Variants in ZBED4 observed in about 807,000 individuals in gnomAD.
ZBED4 encodes the protein zinc finger BED-type containing 4, also known as zinc finger BED domain-containing protein 4.
A neutral mutation model predicts 15.5 loss-of-function variants in ZBED4; 4 were observed. That is an observed-to-expected ratio of 0.26 (90% CI 0.13 to 0.59). The LOEUF (loss-of-function observed/expected upper bound fraction) is 0.59, where lower values mean the gene tolerates loss of function less well. Ranked by LOEUF, ZBED4 falls within the 20% of genes least tolerant of loss-of-function variation. The pLI is 0.90. For missense variants in ZBED4, 1,323 were observed against 1,461.8 expected, an observed-to-expected ratio of 0.91 and a Z score of 1.55; for synonymous variants, 692 against 608.5, an observed-to-expected ratio of 1.14 and a Z score of -2.02.
chr22:49,863,551 G>A lies in ZBED4; in HGVS notation c.-330+9562G>A, dbSNP rs185246029. 6.6e-5 allele frequency among the ~76,000 whole-genome samples: 10 copies of A among 152,040 alleles called. No individual in the cohort carries two copies. The East Asian group carries it at 1.7e-3, about 27-fold the overall frequency. ...CTGAGGCAGGAGAATTGCTTGAACCGGGGAGGCGGAGGTTGCGGTGAGCTG... is the reference window on the plus strand; with the variant it reads ...CTGAGGCAGGAGAATTGCTTGAACCAGGGAGGCGGAGGTTGCGGTGAGCTG... On this transcript the variant is annotated intron_variant, in intron 1 of 1. Transcript: ENST00000216268.
Position 49,884,818 on chromosome 22 carries a change from G to T in ZBED4, c.1156G>T (p.Ala386Ser), listed in dbSNP as rs755197118. 1 of 1,610,478 alleles carries T rather than the reference G, an allele frequency of 6.2e-7. No homozygotes were observed. Among genetic ancestry groups the T allele is most frequent in the Admixed American group, 1.7e-5 (1 of 59,886 alleles). Residue 386 changes from alanine to serine, a missense_variant, in exon 2 of 2, where the codon GCC (alanine) becomes TCC (serine). Around this residue, in one of 6 missense-constraint regions of ZBED4, gnomAD observed 429 missense variants for 397.9 expected, o/e 1.08. Coordinates refer to ENST00000216268, the MANE Select transcript of ZBED4 (RefSeq NM_014838.3). ...AAAGCCGGTCAGAGAGTCCCCTTCG[G>T]CCTCCTCCTCCCCTGACAGGCTGAC... Reference protein sequence around the residue: ...PVKPVRESPSASSSPDRLTED... With the variant: ...PVKPVRESPSSSSSPDRLTED...
intron 1 of ZBED4, among the ~76,000 whole-genome samples, chr22:49,866,837 G>A (rs1017052539): frequency 6.6e-6 from 1 of 152,210 alleles, no homozygotes; most frequent in Non-Finnish European, 1.5e-5. Context: ...TGAAATCTGA[G>A]ATGGGTCTCA....
At chr22:49,861,787 A>G (rs181814167) in intron 1 of ZBED4, among the ~76,000 whole-genome samples, 1 of 152,254 alleles carries the variant, frequency 6.6e-6, no homozygotes, top group Non-Finnish European at 1.5e-5. Flanking sequence ...TGTGGGTCCT[A>G]TTGACGGGCT....
intron 1 of ZBED4, among the ~76,000 whole-genome samples, chr22:49,880,534 C>T (rs140773072): frequency 1.3e-5 from 2 of 152,230 alleles, no homozygotes; most frequent in Admixed American, 1.3e-4. Flanking sequence ...CTTCTGTGAT[C>T]ACTGTCCTGT....
chr22:49,884,114 A>T lies in ZBED4; in HGVS notation c.452A>T (p.Asp151Val). ...KEFSRGKNEK[D>V]LSTSCLMRHV... The stretch of plus-strand genomic sequence containing the variant: ...TTCAGCAGAGGCAAAAACGAGAAAG[A>T]CTTGAGTACCAGTTGTCTCATGAGG... The change falls in exon 2 of 2, where the codon GAC (aspartate) becomes GTC (valine). Residue 151 changes from aspartate (D) to valine (V), a missense_variant. Transcript: ENST00000216268. 1.2e-6 allele frequency: 2 copies of T among 1,613,618 alleles called. No individual in the cohort carries two copies. The highest frequency in any genetic ancestry group is 1.1e-5 in the South Asian group (1 of 90,994).
At chr22:49,877,676 CCATATA>C (rs2060384726) in intron 1 of ZBED4, among the ~76,000 whole-genome samples, 1 of 152,068 alleles carries the variant, frequency 6.6e-6, no homozygotes, top group Non-Finnish European at 1.5e-5. Flanking sequence ...ATATCCATAT[CCATATA>C]GTATGCCTAA....
At chr22:49,877,983 T>A (rs4824110) in intron 1 of ZBED4, among the ~76,000 whole-genome samples, 97,856 of 152,118 alleles carry the variant, frequency 0.64, 35,668 homozygotes, top group East Asian at 0.85. Context: ...ATACTACATA[T>A]AAAGCTGCTG....
intron 1 of ZBED4, among the ~76,000 whole-genome samples, chr22:49,867,506 A>T (rs1475932449): frequency 6.6e-6 from 1 of 152,130 alleles, no homozygotes; most frequent in East Asian, 1.9e-4. Context: ...GCTTCTCTTC[A>T]TGGGAGTTTT....
Position 49,876,319 on chromosome 22 carries a change from C to T in ZBED4, c.-329-7015C>T, listed in dbSNP as rs564777049. ...GGATAATAGTGTTGTTTGAATCTTCCGTGTCTTTACTGATTTTTATGTACC... is the reference window on the plus strand; with the variant it reads ...GGATAATAGTGTTGTTTGAATCTTCTGTGTCTTTACTGATTTTTATGTACC... On this transcript the variant is annotated intron_variant, in intron 1 of 1. Coordinates refer to ENST00000216268, the MANE Select transcript of ZBED4 (RefSeq NM_014838.3). Among the ~76,000 whole-genome samples the T allele has an allele frequency of 6.6e-5, 10 of 152,160 alleles. 1 individual carries two copies. In the South Asian group the frequency reaches 1.2e-3, roughly 19 times the overall value.
chr22:49,862,369 G>A (rs2060301170), intron 1 of ZBED4, among the ~76,000 whole-genome samples: 1 of 152,270 alleles, frequency 6.6e-6, no homozygotes. Context: ...CCTGCAAGTA[G>A]CTGGGACTAC....
intron 1 of ZBED4, among the ~76,000 whole-genome samples, chr22:49,874,229 G>GT (rs1318168984): frequency 6.6e-6 from 1 of 152,224 alleles, no homozygotes; most frequent in Non-Finnish European, 1.5e-5. Flanking sequence ...GAGCTGCACT[G>GT]TTTCCCGGAT....
intron 1 of ZBED4, among the ~76,000 whole-genome samples, chr22:49,866,194 TTC>T (rs2060321891): frequency 6.6e-6 from 1 of 152,236 alleles, no homozygotes; most frequent in African/African-American, 2.4e-5. Flanking sequence ...AGGATGGATT[TTC>T]TCAGTCCCTT....
intron 1 of ZBED4, among the ~76,000 whole-genome samples, chr22:49,856,591 G>A (rs1384818938): frequency 2.6e-5 from 4 of 152,170 alleles, no homozygotes; most frequent in East Asian, 1.9e-4. Context: ...GGGTTGTTTC[G>A]GAATTCAGGG....
intron 1 of ZBED4, among the ~76,000 whole-genome samples, chr22:49,858,168 C>T (rs2060282325): frequency 6.6e-6 from 1 of 151,964 alleles, no homozygotes; most frequent in Admixed American, 6.6e-5. Context: ...TCCCAAAGGG[C>T]TGGGATTACA....
rs1158425372 is a variant in ZBED4 at position 49,885,721 on chromosome 22, T to C, written c.2059T>C (p.Tyr687His). ...CGTTGGCTTTAACAGGCTGCTTGAATACTTGAAACCTCAGTACTCCCTCCC... is the reference window on the plus strand; with the variant it reads ...CGTTGGCTTTAACAGGCTGCTTGAACACTTGAAACCTCAGTACTCCCTCCC... ...DNVGFNRLLE[Y>H]LKPQYSLPAP... The change falls in exon 2 of 2, where the codon TAC becomes CAC. Residue 687 changes from tyrosine to histidine, a missense_variant. By Grantham distance (83) the Tyr-to-His change is moderately conservative. Around this residue, in one of 6 missense-constraint regions of ZBED4, gnomAD observed 89 missense variants for 129.8 expected, o/e 0.69. Transcript: ENST00000216268. 2.5e-6 allele frequency: 4 copies of C among 1,607,166 alleles called. No homozygotes were observed. In the Admixed American group the frequency reaches 6.7e-5, roughly 27 times the overall value.
rs185796802 is a variant in ZBED4, at chr22:49,889,178, A to C, written c.*2000A>C. On this transcript the variant is annotated 3_prime_UTR_variant, in exon 2 of 2. Transcript: ENST00000216268. The stretch of plus-strand genomic sequence containing the variant: ...AGAGATTTCCGTGGACACAGTCTCT[A>C]GTCTCACAGAGCATATAGTCTAGTC... 1.2e-5 allele frequency: 2 copies of C among 167,120 alleles called. No homozygotes were observed. The highest frequency in any genetic ancestry group is 4.8e-5 in the African/African-American group (2 of 41,462). 10.4% of individuals were successfully genotyped at this position (167,120 alleles called of 1,614,324 possible). A position where few individuals can be genotyped will look rare whatever the true frequency, so the allele number is the denominator to read the frequency against.
chr22:49,875,335 G>A (rs1335989997), intron 1 of ZBED4, among the ~76,000 whole-genome samples: 1 of 151,792 alleles, frequency 6.6e-6, no homozygotes, highest in Non-Finnish European at 1.5e-5. Flanking sequence ...TAAATAAAAG[G>A]CTAATCAGCT....
At chr22:49,876,678 T>G (rs933338863) in intron 1 of ZBED4, among the ~76,000 whole-genome samples, 4 of 152,212 alleles carry the variant, frequency 2.6e-5, no homozygotes, top group African/African-American at 9.7e-5. Context: ...CGGCAGTGCT[T>G]GCAGCTGCAG....
chr22:49,886,789 G>A lies in ZBED4; in HGVS notation c.3127G>A (p.Val1043Met), dbSNP rs759692476. 9.9e-6 allele frequency: 16 copies of A among 1,612,734 alleles called. No individual in the cohort carries two copies. Among genetic ancestry groups the A allele is most frequent in the African/African-American group, 6.7e-5 (5 of 74,894 alleles). Residue 1043 changes from valine (V) to methionine (M), a missense_variant, in exon 2 of 2, where the codon GTG becomes ATG. Transcript: ENST00000216268. This position sits in a 1 kb window ranked among gnomAD's most constrained non-coding sequence, Gnocchi z 7.7. ...LELMNSTSED[V>M]AASHRCDAGS... The stretch of plus-strand genomic sequence containing the variant: ...ACTCATGAATTCTACCTCAGAGGAC[G>A]TGGCTGCCTCCCACAGGTGTGATGC...
Sources: allele counts gnomAD v4.1 joint callset (sites outside exome capture counted in the v4.1 genomes callset), GRCh38; gene constraint gnomAD v4.1.1; regional missense constraint gnomAD v4.1.1; non-coding constraint Gnocchi (gnomAD v3.1); transcripts MANE v1.5; gene names NCBI Gene and HGNC (gene_info 2026-07-23, HGNC 2026-07-21).